PCYOX1: variants seen among roughly 807,000 people sequenced by gnomAD.
The protein encoded by PCYOX1 is prenylcysteine oxidase 1, also known as prenylcysteine lyase.
PCYOX1 carries 46 observed loss-of-function variants against 46.4 expected under a neutral mutation model. The observed-to-expected ratio is 0.99, with a 90% CI of 0.78 to 1.27. The LOEUF is 1.27. PCYOX1 is among the 50% of genes most tolerant of loss of function. The pLI is 0.00. For missense variants in PCYOX1, 658 were observed against 628.3 expected (o/e 1.05, Z -0.51); for synonymous variants, 220 against 231.8 (o/e 0.95, Z 0.46).
rs1696648077 is a variant in PCYOX1, at chr2:70,274,898, T to C, written c.495-61T>C. 4.8e-6 allele frequency: 5 copies of C among 1,045,866 alleles called. No homozygotes were observed. In the Admixed American group the frequency reaches 8.5e-5, roughly 18 times the overall value. 64.8% of individuals were successfully genotyped at this position (1,045,866 alleles called of 1,614,324 possible). The stretch of plus-strand genomic sequence containing the variant: ...ATTCTTATGACGCCACTTCCCTTCT[T>C]TATACATCCCCTTCCCCACATCTTG... On this transcript the variant is annotated intron_variant, in intron 3 of 5. Transcript: ENST00000433351.
rs138112690 is a variant in PCYOX1, at chr2:70,275,103, C to T, written c.639C>T (p.Leu213=). 9 of 1,614,118 alleles carry T rather than the reference C, an allele frequency of 5.6e-6. No individual in the cohort carries two copies. The highest frequency in any genetic ancestry group is 7.6e-6 in the Non-Finnish European group (9 of 1,179,988). Residue 213 remains leucine, a synonymous_variant, in exon 4 of 6, where the codon CTC becomes CTT. Coordinates refer to ENST00000433351, the MANE Select transcript of PCYOX1 (RefSeq NM_016297.4). ...LQKAGFSEKF[L]NEMIAPVMRV... ...AGGCCGGCTTTTCTGAGAAGTTCCT[C>T]AATGAAATGATTGCTCCTGTTATGA...
At chr2:70,269,842 A>T (rs1293141514) in intron 3 of PCYOX1, among the ~76,000 whole-genome samples, 1 of 152,302 alleles carries the variant, frequency 6.6e-6, no homozygotes, top group East Asian at 1.9e-4. Context: ...GAGCTGCCAG[A>T]TAGGTCAAAT....
intron 3 of PCYOX1, among the ~76,000 whole-genome samples, chr2:70,263,959 C>CT (rs1280453316): frequency 3.5e-5 from 4 of 114,388 alleles, no homozygotes; most frequent in Non-Finnish European, 3.9e-5. Flanking sequence ...GTGCCCGGCC[C>CT]TCTTTTTTTT....
At chr2:70,276,361 C>T (rs948428158) in intron 5 of PCYOX1, among the ~76,000 whole-genome samples, 5 of 151,756 alleles carry the variant, frequency 3.3e-5, no homozygotes, top group South Asian at 4.2e-4. Flanking sequence ...CGCCTGCCAC[C>T]GCGCTCGGCT....
In PCYOX1 at chr2:70,275,135, A is replaced by G. The variant is rs201962424; in HGVS notation, c.671A>G (p.Asn224Ser). Residue 224 changes from asparagine to serine, a missense_variant, in exon 4 of 6, where the codon AAT becomes AGT. Transcript: ENST00000433351. ...NEMIAPVMRV[N>S]YGQSTDINAF... Reference sequence around the variant, plus strand: ...ATGATTGCTCCTGTTATGAGGGTCAATTATGGCCAAAGCACGGACATCAAT... The same window carrying G: ...ATGATTGCTCCTGTTATGAGGGTCAGTTATGGCCAAAGCACGGACATCAAT... 11 of 1,614,138 alleles carry G rather than the reference A, an allele frequency of 6.8e-6. No individual in the cohort carries two copies. Among genetic ancestry groups the G allele is most frequent in the East Asian group, 2.2e-5 (1 of 44,886 alleles).
rs1303598672 is a variant in PCYOX1, at chr2:70,280,040, A to C, written c.*2648A>C. On this transcript the variant is annotated 3_prime_UTR_variant, in exon 6 of 6. Transcript: ENST00000433351. ...GGTTGCAGTGAGCAGAGATCGCACC[A>C]CTGCACTCCAGCCTGGGCAAGAGTG... 1.3e-5 allele frequency: 2 copies of C among 152,142 alleles called. No homozygotes were observed. Among genetic ancestry groups the C allele is most frequent in the African/African-American group, 4.8e-5 (2 of 41,430 alleles). 9.4% of individuals were successfully genotyped at this position (152,142 alleles called of 1,614,324 possible). A position where few individuals can be genotyped will look rare whatever the true frequency, so the allele number is the denominator to read the frequency against.
At position 70,277,499 on chromosome 2, in the gene PCYOX1, T is replaced by C; in HGVS notation, c.*107T>C. 1 of 936,594 alleles carries C rather than the reference T, an allele frequency of 1.1e-6. No individual in the cohort carries two copies. Among genetic ancestry groups the C allele is most frequent in the East Asian group, 2.4e-5 (1 of 40,948 alleles). 58.0% of individuals were successfully genotyped at this position (936,594 alleles called of 1,614,324 possible). A position where few individuals can be genotyped will look rare whatever the true frequency, so the allele number is the denominator to read the frequency against. ...TGAACCAGATATTTTGCCATTATCA[T>C]TGTTTAATAAAAGTAATCCCTGCTG... is the stretch of plus-strand genomic sequence containing the variant. On this transcript the variant is annotated 3_prime_UTR_variant, in exon 6 of 6. Coordinates refer to ENST00000433351, the MANE Select transcript of PCYOX1 (RefSeq NM_016297.4).
At chr2:70,258,326 C>T (rs1475877766) in intron 1 of PCYOX1, 50 bp downstream of exon 1, 2 of 1,280,252 alleles carry the variant, frequency 1.6e-6, no homozygotes, top group Non-Finnish European at 2.1e-6. Flanking sequence ...CGCCCCGCGC[C>T]GGGCGGCCGC....
upstream of PCYOX1, chr2:70,258,132 C>A: frequency 6.6e-7 from 1 of 1,524,722 alleles, no homozygotes; most frequent in Non-Finnish European, 8.9e-7. Context: ...GACTGCGGGG[C>A]TCTTGAGGCC....
chr2:70,265,276 C>T (rs1273087384), intron 3 of PCYOX1, among the ~76,000 whole-genome samples: 1 of 148,426 alleles, frequency 6.7e-6, no homozygotes, highest in Non-Finnish European at 1.5e-5. Context: ...AATCACAGCT[C>T]ACTGCAGCTT....
Position 70,277,159 on chromosome 2 carries a change from G to A in PCYOX1, c.1285G>A (p.Val429Met), listed in dbSNP as rs1463333130. 9.3e-6 allele frequency: 15 copies of A among 1,613,992 alleles called. No individual in the cohort carries two copies. The highest frequency in any genetic ancestry group is 1.7e-5 in the Admixed American group (1 of 59,994). The stretch of plus-strand genomic sequence containing the variant: ...GCTCTTTCTGTCCTATGATTATGCT[G>A]TGAAGAAGCCATGGCTTGCATATCC... Reference protein sequence around the residue: ...LKLFLSYDYAVKKPWLAYPHY... With the variant: ...LKLFLSYDYAMKKPWLAYPHY... The change falls in exon 6 of 6, where the codon GTG (valine) becomes ATG (methionine). Residue 429 changes from valine (V) to methionine (M), a missense_variant. Val to Met is a conservative substitution (Grantham distance 21). Transcript: ENST00000433351.
Position 70,280,529 on chromosome 2 carries a change from TAAG to T in PCYOX1, c.*3142_*3144del, listed in dbSNP as rs1696758133. 1.3e-5 allele frequency: 2 copies of T among 152,214 alleles called. No homozygotes were observed. The highest frequency in any genetic ancestry group is 1.9e-4 in the East Asian group (1 of 5,200). 9.4% of individuals were successfully genotyped at this position (152,214 alleles called of 1,614,324 possible). ...TATTCAATAAGTTTGTTATGGGATA[TAAG>T]AAGATGCATTTTATTAAGTTCCCCA... On this transcript the variant is annotated 3_prime_UTR_variant, in exon 6 of 6. Coordinates refer to ENST00000433351, the MANE Select transcript of PCYOX1 (RefSeq NM_016297.4).
upstream of PCYOX1, chr2:70,258,072 C>A (rs1696369876): frequency 3.9e-6 from 4 of 1,016,528 alleles, no homozygotes; most frequent in Admixed American, 3.0e-5. Flanking sequence ...AGGGGCTGGG[C>A]GGCCTGGGGG....
In PCYOX1 at chr2:70,275,527, G is replaced by A. The variant is rs775167768; in HGVS notation, c.720G>A (p.Leu240=). 1.9e-6 allele frequency: 3 copies of A among 1,614,002 alleles called. No homozygotes were observed. Among genetic ancestry groups the A allele is most frequent in the Non-Finnish European group, 2.5e-6 (3 of 1,180,014 alleles). ...DINAFVGAVS[L]SCSDSGLWAV... The stretch of plus-strand genomic sequence containing the variant: ...TCCTATTGACAGGGGCGGTGTCACT[G>A]TCCTGTTCTGATTCTGGCCTTTGGG... The change falls in exon 5 of 6, where the codon CTG becomes CTA. Residue 240 remains leucine, a synonymous_variant. Coordinates refer to ENST00000433351, the MANE Select transcript of PCYOX1 (RefSeq NM_016297.4).
At position 70,278,595 on chromosome 2, in the gene PCYOX1, A is replaced by G. The variant is rs1204922421; in HGVS notation, c.*1203A>G. 6.6e-6 allele frequency: 1 copy of G among 152,218 alleles called. No homozygotes were observed. The highest frequency in any genetic ancestry group is 2.4e-5 in the African/African-American group (1 of 41,462). 9.4% of individuals were successfully genotyped at this position (152,218 alleles called of 1,614,324 possible). On this transcript the variant is annotated 3_prime_UTR_variant, in exon 6 of 6. Coordinates refer to ENST00000433351, the MANE Select transcript of PCYOX1 (RefSeq NM_016297.4). ...GACACCAAAGTTAACCAAGTCCAGCATATGTCCAAAGAGTTAAGTGTTTCA... is the reference window on the plus strand; with the variant it reads ...GACACCAAAGTTAACCAAGTCCAGCGTATGTCCAAAGAGTTAAGTGTTTCA...
At chr2:70,264,133 T>A (rs1252427895) in intron 3 of PCYOX1, among the ~76,000 whole-genome samples, 1 of 151,804 alleles carries the variant, frequency 6.6e-6, no homozygotes, top group East Asian at 1.9e-4. Flanking sequence ...GGCTAATTTT[T>A]TGTATTTTTT....
Position 70,280,861 on chromosome 2 carries a change from T to C in PCYOX1, c.*3469T>C, listed in dbSNP as rs1696763039. On this transcript the variant is annotated 3_prime_UTR_variant, in exon 6 of 6. Coordinates refer to ENST00000433351, the MANE Select transcript of PCYOX1 (RefSeq NM_016297.4). ...TACCATACTGGTGTGTAGTCCATTC[T>C]GTACAGTTTAAAAGTGATTCACGAT... is the stretch of plus-strand genomic sequence containing the variant. The C allele has an allele frequency of 6.6e-6, 1 of 152,246 alleles. No homozygotes were observed. The highest frequency in any genetic ancestry group is 2.1e-4 in the South Asian group (1 of 4,836). 9.4% of individuals were successfully genotyped at this position (152,246 alleles called of 1,614,324 possible).
intron 1 of PCYOX1, 166 bp downstream of exon 1, chr2:70,258,442 A>C (rs1334339892): frequency 2.3e-6 from 1 of 428,418 alleles, no homozygotes; most frequent in African/African-American, 2.2e-5. Flanking sequence ...GGCGGCTTTC[A>C]GCTCTGGTCG....
chr2:70,258,081 G>T (rs1306757332), upstream of PCYOX1: 1 of 1,153,108 alleles, frequency 8.7e-7, no homozygotes, highest in Admixed American at 2.5e-5. Context: ...GCGGCCTGGG[G>T]GCGGGGCTGG....
Sources: gnomAD v4.1 joint callset for allele counts (sites outside exome capture counted in the v4.1 genomes callset) on GRCh38, gnomAD v4.1.1 for gene constraint, MANE v1.5 for transcripts, NCBI Gene and HGNC (gene_info 2026-07-23, HGNC 2026-07-21) for gene names.